Variants in DNAH5 observed in about 807,000 individuals in gnomAD.
The protein encoded by DNAH5 is axonemal beta dynein heavy chain 5.
A neutral mutation model predicts 518.2 loss-of-function variants in DNAH5; 372 were observed. That is an observed-to-expected ratio of 0.72 (90% confidence interval 0.66 to 0.78). The LOEUF is 0.78. Among genes scored for constraint, DNAH5 ranks in the 30% least tolerant of loss-of-function variants. The probability of loss-of-function intolerance (pLI) is 0.00; values close to 1 mark genes in which losing one functional copy is unlikely to be tolerated. For missense variants in DNAH5, 5,523 were observed against 5,687.0 expected, an observed-to-expected ratio of 0.97 and a Z score of 0.93; for synonymous variants, 2,039 against 2,025.9, an observed-to-expected ratio of 1.01 and a Z score of -0.17.
chr5:13,752,686 C>T (rs1052540059), intron 63 of DNAH5, among the ~76,000 whole-genome samples: 3 of 152,194 alleles, frequency 2.0e-5, no homozygotes, highest in South Asian at 2.1e-4. Context: ...TGAAACACTT[C>T]GGATCCCAAG....
chr5:13,722,288 C>T (rs933073368), intron 70 of DNAH5, among the ~76,000 whole-genome samples: 1 of 152,188 alleles, frequency 6.6e-6, no homozygotes, highest in Non-Finnish European at 1.5e-5. Flanking sequence ...TTTAAAACAT[C>T]AGAGTTTGAT....
At chr5:13,907,365 A>T (rs899518673) in intron 12 of DNAH5, among the ~76,000 whole-genome samples, 4 of 152,176 alleles carry the variant, frequency 2.6e-5, no homozygotes, top group African/African-American at 9.7e-5. Flanking sequence ...CGGGAGGCAG[A>T]GGTTGCAGTG....
At chr5:13,899,951 T>C in intron 15 of DNAH5, 1 of 500,476 alleles carries the variant, frequency 2.0e-6, no homozygotes, top group Non-Finnish European at 3.5e-6. Context: ...GATCGTGCCT[T>C]TTTCAGTGGC....
intron 1 of DNAH5, among the ~76,000 whole-genome samples, chr5:13,960,903 C>T (rs1236778376): frequency 6.6e-6 from 1 of 152,236 alleles, no homozygotes; most frequent in African/African-American, 2.4e-5. Context: ...TGGGATTGGG[C>T]TTAGTTCCAC....
intron 29 of DNAH5, among the ~76,000 whole-genome samples, 187 bp downstream of exon 29, chr5:13,862,361 A>G (rs929077861): frequency 6.6e-6 from 1 of 152,250 alleles, no homozygotes; most frequent in Non-Finnish European, 1.5e-5. Context: ...TGATGTATAT[A>G]TAAGTGGGTA....
At chr5:13,692,533 A>G (rs999427502) in intron 78 of DNAH5, among the ~76,000 whole-genome samples, 1 of 152,160 alleles carries the variant, frequency 6.6e-6, no homozygotes, top group African/African-American at 2.4e-5. Context: ...AGTGGGCATT[A>G]CTTTATTATT....
intron 65 of DNAH5, among the ~76,000 whole-genome samples, chr5:13,747,135 G>A (rs533997280): frequency 2.3e-4 from 35 of 151,838 alleles, no homozygotes; most frequent in African/African-American, 5.3e-4. Flanking sequence ...GAGAACATGC[G>A]GTGTTTGGTT....
At chr5:13,933,113 C>T (rs998509284) in intron 1 of DNAH5, among the ~76,000 whole-genome samples, 2 of 152,128 alleles carry the variant, frequency 1.3e-5, no homozygotes, top group Non-Finnish European at 2.9e-5. Flanking sequence ...CCCTGTGGGA[C>T]AAAATAACTT....
At chr5:13,806,897 T>G (rs1011504093) in intron 47 of DNAH5, among the ~76,000 whole-genome samples, 13 of 152,174 alleles carry the variant, frequency 8.5e-5, no homozygotes, top group African/African-American at 3.1e-4. Flanking sequence ...GGTCTAAGAT[T>G]TTATACCTTG....
At position 13,769,106 on chromosome 5, in the gene DNAH5, C is replaced by A. The variant is rs139293893; in HGVS notation, c.9751G>T (p.Ala3251Ser). 1.0e-4 allele frequency: 163 copies of A among 1,614,180 alleles called. No homozygotes were observed. The African/African-American group carries it at 1.9e-3, about 19-fold the overall frequency. ...ACCTCAGCCTTGACCTTTTCAGCAG[C>A]CTGTGCTTTCATTGTCACTTCTTTT... The part of the protein sequence containing the change: ...VLKEVTMKAQ[A>S]AEKVKAEVQK... The change falls in exon 58 of 79, where the codon GCT (alanine) becomes TCT (serine). Residue 3251 changes from alanine (A) to serine (S), a missense_variant. By Grantham distance (99) the Ala-to-Ser change is moderately conservative (BLOSUM62 1). Coordinates refer to ENST00000265104, the MANE Select transcript of DNAH5 (RefSeq NM_001369.3).
chr5:13,717,834 C>T (rs1345681331), intron 72 of DNAH5, among the ~76,000 whole-genome samples: 1 of 152,086 alleles, frequency 6.6e-6, no homozygotes, highest in African/African-American at 2.4e-5. Context: ...AATTCTGCCA[C>T]TATTACTATA....
intron 1 of DNAH5, among the ~76,000 whole-genome samples, chr5:13,987,982 C>T (rs910248685): frequency 1.3e-5 from 2 of 151,894 alleles, no homozygotes; most frequent in Admixed American, 1.3e-4. Flanking sequence ...AAACCCAAAC[C>T]AAAATAGGAT....
At chr5:13,824,468 G>A in intron 38 of DNAH5, 135 bp from the exon 39 acceptor site, 1 of 819,816 alleles carries the variant, frequency 1.2e-6, no homozygotes, top group South Asian at 1.5e-5. Flanking sequence ...ACACACAATG[G>A]GGTAAAATAT....
intron 50 of DNAH5, among the ~76,000 whole-genome samples, chr5:13,791,787 A>C (rs1458541295): frequency 6.6e-6 from 1 of 152,230 alleles, no homozygotes; most frequent in East Asian, 1.9e-4. Context: ...CTTAAAACAC[A>C]AACCTAATTT....
intron 47 of DNAH5, among the ~76,000 whole-genome samples, chr5:13,804,693 T>G (rs1234039843): frequency 1.3e-5 from 2 of 152,264 alleles, no homozygotes; most frequent in African/African-American, 4.8e-5. Context: ...AACTCCACCT[T>G]AACACTGAAG....
chr5:13,709,411 A>AT (rs112039204), intron 75 of DNAH5, among the ~76,000 whole-genome samples: 2 of 151,794 alleles, frequency 1.3e-5, no homozygotes, highest in Non-Finnish European at 1.5e-5. Context: ...AAAAAAAAAA[A>AT]TTTGTGAGTG....
chr5:13,917,096 C>T, intron 8 of DNAH5, 47 bp downstream of exon 8: 2 of 1,419,502 alleles, frequency 1.4e-6, no homozygotes, highest in Non-Finnish European at 2.0e-6. Flanking sequence ...TCAGCTAGTG[C>T]AAAAAGGGTT....
At chr5:13,701,214 A>G (rs1417659766) in intron 77 of DNAH5, 70 bp downstream of exon 77, 1 of 1,590,374 alleles carries the variant, frequency 6.3e-7, no homozygotes, top group Admixed American at 1.7e-5. Context: ...TAGTCTTTAA[A>G]ACTATAATGA....
At chr5:13,900,493 G>A (rs1303970382) in intron 14 of DNAH5, 81 bp from the exon 15 acceptor site, 6 of 1,170,850 alleles carry the variant, frequency 5.1e-6, no homozygotes, top group Non-Finnish European at 7.6e-6. Context: ...CTAGGAATAA[G>A]GATCATTAAA....
Sources: gnomAD v4.1 joint callset for allele counts (sites outside exome capture counted in the v4.1 genomes callset) on GRCh38, gnomAD v4.1.1 for gene constraint, MANE v1.5 for transcripts, NCBI Gene and HGNC (gene_info 2026-07-23, HGNC 2026-07-21) for gene names.